Variants in NOL4 observed in about 807,000 individuals in gnomAD.
NOL4 encodes nucleolar protein 4.
In NOL4, 17 loss-of-function variants were observed where a neutral mutation model predicts 75.9. The ratio of observed to expected loss-of-function variants is 0.22; its 90% CI spans 0.15 to 0.34. NOL4 has a LOEUF of 0.34. NOL4 is among the 10% of genes least tolerant of loss of function. NOL4 has a pLI of 1.00. For missense variants in NOL4, 614 were observed against 793.5 expected (o/e 0.77, Z 2.72); for synonymous variants, 292 against 289.9 (o/e 1.01, Z -0.07).
At chr18:33,906,374 G>A (rs951908904) in intron 9 of NOL4, among the ~76,000 whole-genome samples, 4 of 152,056 alleles carry the variant, frequency 2.6e-5, no homozygotes, top group African/African-American at 2.4e-5. Flanking sequence ...ACTTAAGATG[G>A]TTAAGACATT....
chr18:34,072,444 T>C (rs2077564170), intron 5 of NOL4, among the ~76,000 whole-genome samples: 1 of 152,134 alleles, frequency 6.6e-6, no homozygotes, highest in Non-Finnish European at 1.5e-5. Flanking sequence ...AACTTCAGTA[T>C]ACATGAAGCA....
At chr18:33,886,759 A>ATATAGATATATCTATATATATATATC (rs1194112257) in intron 9 of NOL4, among the ~76,000 whole-genome samples, 9 of 141,016 alleles carry the variant, frequency 6.4e-5, no homozygotes, top group Middle Eastern at 7.5e-3. Flanking sequence ...TGTACCTCAT[A>ATATAGATATATCTATATATATATATC]TATAGATATA....
intron 5 of NOL4, among the ~76,000 whole-genome samples, chr18:34,085,742 A>C (rs2078212947): frequency 6.6e-6 from 1 of 152,224 alleles, no homozygotes; most frequent in Admixed American, 6.5e-5. Flanking sequence ...CTAGATATGC[A>C]TTTTAAATAA....
chr18:33,898,650 C>T (rs147841452), intron 9 of NOL4, among the ~76,000 whole-genome samples: 22 of 152,232 alleles, frequency 1.4e-4, no homozygotes, highest in African/African-American at 4.3e-4. Context: ...ATTGTCAATG[C>T]GTAACTTCAA....
At chr18:33,877,965 G>T (rs2064030992) in intron 10 of NOL4, among the ~76,000 whole-genome samples, 1 of 151,982 alleles carries the variant, frequency 6.6e-6, no homozygotes, top group South Asian at 2.1e-4. Context: ...TGAATGAGGA[G>T]AGAGTGGGGG....
chr18:34,039,475 C>T (rs552059062), intron 5 of NOL4, among the ~76,000 whole-genome samples: 7 of 151,994 alleles, frequency 4.6e-5, no homozygotes, highest in African/African-American at 1.7e-4. Context: ...CATTTGCAGA[C>T]CAATATTTTA....
At chr18:34,019,120 C>T (rs572505721) in intron 6 of NOL4, among the ~76,000 whole-genome samples, 198 bp downstream of exon 6, 34 of 152,204 alleles carry the variant, frequency 2.2e-4, no homozygotes, top group Non-Finnish European at 3.7e-4. Context: ...CTTTGAGACA[C>T]GATTCATTTT....
chr18:33,954,542 T>C (rs2069502704), intron 8 of NOL4, among the ~76,000 whole-genome samples: 1 of 151,796 alleles, frequency 6.6e-6, no homozygotes, highest in Non-Finnish European at 1.5e-5. Flanking sequence ...GAGAACTTTT[T>C]TTTTTAGGAA....
At chr18:34,106,708 A>G (rs987248754) in intron 2 of NOL4, among the ~76,000 whole-genome samples, 13 of 151,878 alleles carry the variant, frequency 8.6e-5, no homozygotes, top group Middle Eastern at 3.4e-3. Context: ...CTCTTTCCCT[A>G]TAAACACACA....
At chr18:33,879,994 ACC>A (rs2064162423) in intron 10 of NOL4, among the ~76,000 whole-genome samples, 1 of 151,982 alleles carries the variant, frequency 6.6e-6, no homozygotes, top group African/African-American at 2.4e-5. Flanking sequence ...TACCTTTTTA[ACC>A]ACAGTCTTGT....
intron 10 of NOL4, among the ~76,000 whole-genome samples, chr18:33,866,985 T>C (rs916976186): frequency 2.6e-5 from 4 of 152,232 alleles, no homozygotes; most frequent in Non-Finnish European, 4.4e-5. Context: ...GCTTAGACCA[T>C]TGGGTTCTCT....
chr18:33,870,505 T>G (rs538034668), intron 10 of NOL4, among the ~76,000 whole-genome samples: 2 of 152,066 alleles, frequency 1.3e-5, no homozygotes, highest in African/African-American at 4.8e-5. Flanking sequence ...GAAGAAATCA[T>G]GGGAGCAGAC....
intron 1 of NOL4, among the ~76,000 whole-genome samples, chr18:34,204,031 T>A (rs1446983753): frequency 2.0e-5 from 3 of 152,084 alleles, no homozygotes; most frequent in Non-Finnish European, 4.4e-5. Context: ...CTCCTCATTA[T>A]TTCCTGGCCT....
At chr18:34,063,084 C>T (rs1049963666) in intron 5 of NOL4, among the ~76,000 whole-genome samples, 1 of 152,046 alleles carries the variant, frequency 6.6e-6, no homozygotes, top group Non-Finnish European at 1.5e-5. Flanking sequence ...TTTTACATCT[C>T]ACTCATTCCT....
chr18:34,222,265 G>A, intron 1 of NOL4: 1 of 1,372,240 alleles, frequency 7.3e-7, no homozygotes, highest in Non-Finnish European at 9.4e-7. Context: ...CCATTCGATA[G>A]CGCCTAAACC....
intron 4 of NOL4, among the ~76,000 whole-genome samples, chr18:34,100,192 ACC>A (rs1328173453): frequency 7.2e-5 from 11 of 152,110 alleles, no homozygotes; most frequent in Admixed American, 1.3e-4. Flanking sequence ...AAGAAATCCT[ACC>A]TATTAATGCC....
chr18:34,021,253 G>A (rs1456679863), intron 5 of NOL4, among the ~76,000 whole-genome samples: 1 of 152,152 alleles, frequency 6.6e-6, no homozygotes, highest in Non-Finnish European at 1.5e-5. Context: ...TAATACAAGG[G>A]ATAAAGACAT....
At chr18:34,146,310 G>A (rs2081389531) in intron 1 of NOL4, among the ~76,000 whole-genome samples, 1 of 151,884 alleles carries the variant, frequency 6.6e-6, no homozygotes, top group African/African-American at 2.4e-5. Context: ...CTATGCCTAT[G>A]TCCTGAATGG....
intron 1 of NOL4, chr18:34,222,370 G>A (rs1219477003): frequency 2.5e-6 from 3 of 1,216,628 alleles, no homozygotes; most frequent in Admixed American, 8.7e-5. Flanking sequence ...GGAATCTCCA[G>A]GACCTTATCT....
Sources: allele counts gnomAD v4.1 joint callset (sites outside exome capture counted in the v4.1 genomes callset), GRCh38; gene constraint gnomAD v4.1.1; transcripts MANE v1.5; gene names NCBI Gene and HGNC (gene_info 2026-07-23, HGNC 2026-07-21).